Variants in PPP2R2C observed in about 807,000 individuals in gnomAD.
The protein encoded by PPP2R2C is protein phosphatase 2 regulatory subunit Bgamma.
In PPP2R2C, 10 loss-of-function variants were observed where a neutral mutation model predicts 45.3. The observed-to-expected ratio is 0.22, with a 90% confidence interval of 0.14 to 0.37. PPP2R2C has a LOEUF of 0.37. Among genes scored for constraint, PPP2R2C ranks in the 10% least tolerant of loss-of-function variants. PPP2R2C has a pLI of 1.00. For missense variants in PPP2R2C, 308 were observed against 619.7 expected (o/e 0.50, Z 5.34); for synonymous variants, 257 against 245.4 (o/e 1.05, Z -0.44).
intron 6 of PPP2R2C, among the ~76,000 whole-genome samples, chr4:6,335,857 C>A (rs114222363): frequency 0.027 from 4,051 of 152,182 alleles, 76 homozygotes; most frequent in Middle Eastern, 0.051. Context: ...AGGTCCCCCC[C>A]ACCTCTCTTG....
chr4:6,334,496 C>T lies in PPP2R2C; in HGVS notation c.791-765G>A, dbSNP rs912843069. On this transcript the variant is annotated intron_variant, in intron 6 of 8. Transcript: ENST00000382599. Reference sequence around the variant, plus strand: ...CCTCCCCACTGCCCCCATAACCTGGCCTTCCTGAGCTGCAGAAGTTCCCAA... The same window carrying T: ...CCTCCCCACTGCCCCCATAACCTGGTCTTCCTGAGCTGCAGAAGTTCCCAA... 4.6e-5 allele frequency among the ~76,000 whole-genome samples: 7 copies of T among 152,178 alleles called. 1 individual carries two copies. The highest frequency in any genetic ancestry group is 4.6e-4 in the Admixed American group (7 of 15,286).
At chr4:6,405,764 T>C (rs1401087342) in intron 1 of PPP2R2C, among the ~76,000 whole-genome samples, 1 of 152,176 alleles carries the variant, frequency 6.6e-6, no homozygotes, top group Admixed American at 6.5e-5. Context: ...TAGTGCCATC[T>C]TGATGATCAT....
upstream of PPP2R2C, among the ~76,000 whole-genome samples, chr4:6,476,100 G>T (rs1470822527): frequency 6.6e-6 from 1 of 152,174 alleles, no homozygotes; most frequent in Non-Finnish European, 1.5e-5. Context: ...GAACTGGGAG[G>T]AAGTACATTT....
intron 1 of PPP2R2C, among the ~76,000 whole-genome samples, chr4:6,395,701 C>T (rs542441364): frequency 4.1e-4 from 63 of 152,336 alleles, no homozygotes; most frequent in African/African-American, 1.4e-3. Flanking sequence ...TCTGGCTGTG[C>T]GCTGGCCCCG....
At chr4:6,522,650 G>A (rs963934846) in intron 2 of PPP2R2C, among the ~76,000 whole-genome samples, 8 of 152,268 alleles carry the variant, frequency 5.3e-5, no homozygotes, top group South Asian at 4.1e-4. Context: ...GGCTGGCTGC[G>A]TGAGCACCCA....
intron 1 of PPP2R2C, among the ~76,000 whole-genome samples, chr4:6,434,359 C>CTTTTTTTTTTTTTT (rs34292067): frequency 3.6e-4 from 42 of 116,088 alleles, no homozygotes; most frequent in Non-Finnish European, 4.1e-4. Context: ...TTTTTCTTTT[C>CTTTTTTTTTTTTTT]TTTTTTTTTT....
chr4:6,387,278 A>G (rs1716278328), intron 1 of PPP2R2C, among the ~76,000 whole-genome samples: 1 of 152,174 alleles, frequency 6.6e-6, no homozygotes, highest in Non-Finnish European at 1.5e-5. Flanking sequence ...GATAAGCACA[A>G]GGAAAATTAT....
At chr4:6,506,298 C>T (rs1009994089) in intron 2 of PPP2R2C, among the ~76,000 whole-genome samples, 11 of 152,130 alleles carry the variant, frequency 7.2e-5, no homozygotes, top group African/African-American at 2.2e-4. Context: ...AAATTGAACA[C>T]GTAAGATCTG....
At chr4:6,525,799 G>C (rs933522603) in intron 2 of PPP2R2C, among the ~76,000 whole-genome samples, 1 of 152,132 alleles carries the variant, frequency 6.6e-6, no homozygotes, top group Non-Finnish European at 1.5e-5. Context: ...TGCCTCCCGG[G>C]TTCAAGTGAT....
At chr4:6,494,986 A>G (rs905649067) in intron 2 of PPP2R2C, among the ~76,000 whole-genome samples, 1 of 152,220 alleles carries the variant, frequency 6.6e-6, no homozygotes, top group Non-Finnish European at 1.5e-5. Flanking sequence ...TGACAGGGGA[A>G]GCTGTCCACG....
intron 5 of PPP2R2C, among the ~76,000 whole-genome samples, chr4:6,352,418 G>C (rs1712655043): frequency 1.3e-5 from 2 of 152,206 alleles, no homozygotes; most frequent in Admixed American, 1.3e-4. Flanking sequence ...GCTTCACAAG[G>C]TTCATTTCAG....
At chr4:6,465,079 AACCAGTC>A (rs2108762391) in intron 1 of PPP2R2C, among the ~76,000 whole-genome samples, 1 of 152,198 alleles carries the variant, frequency 6.6e-6, no homozygotes, top group South Asian at 2.1e-4. Context: ...GGGCCAAGGT[AACCAGTC>A]ACCCCTCTTC....
intron 1 of PPP2R2C, among the ~76,000 whole-genome samples, chr4:6,391,559 T>C (rs1716646990): frequency 6.6e-6 from 1 of 152,140 alleles, no homozygotes; most frequent in South Asian, 2.1e-4. Flanking sequence ...ACAGTATTGA[T>C]TTGTGTTAAA....
intron 1 of PPP2R2C, among the ~76,000 whole-genome samples, chr4:6,560,062 A>AC (rs1180729742): frequency 6.6e-6 from 1 of 152,254 alleles, no homozygotes; most frequent in Non-Finnish European, 1.5e-5. Context: ...TGTTGGGGGA[A>AC]CCACAGGGGA....
intron 5 of PPP2R2C, chr4:6,351,267 C>T (rs994037738): frequency 4.8e-6 from 3 of 619,906 alleles, no homozygotes; most frequent in Non-Finnish European, 6.0e-6. Context: ...GAGCTGAGAT[C>T]GCGCCACTGC....
At chr4:6,488,563 A>G (rs1040049677) in intron 2 of PPP2R2C, among the ~76,000 whole-genome samples, 5 of 152,192 alleles carry the variant, frequency 3.3e-5, no homozygotes, top group Non-Finnish European at 5.9e-5. Context: ...ATGTGCATGT[A>G]GTCCCAGCTA....
chr4:6,326,090 G>C (rs578190837), intron 8 of PPP2R2C, among the ~76,000 whole-genome samples: 2 of 152,352 alleles, frequency 1.3e-5, no homozygotes, highest in African/African-American at 4.8e-5. Context: ...CCCTGTCCAT[G>C]CTGATTGGTG....
intron 1 of PPP2R2C, among the ~76,000 whole-genome samples, chr4:6,389,562 T>A (rs1716456410): frequency 6.6e-6 from 1 of 152,208 alleles, no homozygotes; most frequent in African/African-American, 2.4e-5. Context: ...TGGTATGGGC[T>A]TGGCGAGCGA....
intron 6 of PPP2R2C, among the ~76,000 whole-genome samples, chr4:6,334,036 T>C (rs183045347): frequency 6.6e-6 from 1 of 152,308 alleles, no homozygotes; most frequent in East Asian, 1.9e-4. Flanking sequence ...AAAGCTATAC[T>C]TGATGTGCTG....
Sources: allele counts gnomAD v4.1 joint callset (sites outside exome capture counted in the v4.1 genomes callset), GRCh38; gene constraint gnomAD v4.1.1; transcripts MANE v1.5; gene names NCBI Gene and HGNC (gene_info 2026-07-23, HGNC 2026-07-21).